The following RGS6 variants were observed in gnomAD, a reference collection of about 807,000 sequenced individuals.
The protein encoded by RGS6 is regulator of G-protein signaling 6.
RGS6 carries 30 observed loss-of-function variants against 78.5 expected under a neutral mutation model. The observed-to-expected ratio is 0.38, with a 90% CI of 0.29 to 0.52. RGS6 has a LOEUF of 0.52. Ranked by LOEUF, RGS6 falls within the 20% of genes least tolerant of loss-of-function variation. RGS6 has a pLI of 0.85. For synonymous variants in RGS6, 206 were observed against 206.0 expected (o/e 1.00, Z 0.00); for missense variants, 495 against 609.7 (o/e 0.81, Z 1.98).
At chr14:72,112,546 G>A (rs73297108) in intron 2 of RGS6, among the ~76,000 whole-genome samples, 4,104 of 152,240 alleles carry the variant, frequency 0.027, 196 homozygotes, top group African/African-American at 0.094. Context: ...AAAATAATGG[G>A]TGTGAAATCG....
At chr14:72,082,885 A>T (rs534729987) in intron 2 of RGS6, among the ~76,000 whole-genome samples, 1 of 152,274 alleles carries the variant, frequency 6.6e-6, no homozygotes, top group African/African-American at 2.4e-5. Flanking sequence ...AGTTACAAAA[A>T]ACCCCAACTC....
chr14:72,084,791 AT>A (rs1358978675), intron 2 of RGS6, among the ~76,000 whole-genome samples: 2 of 152,114 alleles, frequency 1.3e-5, no homozygotes, highest in Non-Finnish European at 2.9e-5. Flanking sequence ...AAGACACTAA[AT>A]TTAATTTTCA....
intron 13 of RGS6, among the ~76,000 whole-genome samples, chr14:72,505,574 A>G (rs772059128): frequency 1.3e-5 from 2 of 152,226 alleles, no homozygotes; most frequent in Non-Finnish European, 2.9e-5. Flanking sequence ...GATAGCTTGT[A>G]TATTCCCCAA....
chr14:72,099,477 C>T (rs1179784638), intron 2 of RGS6, among the ~76,000 whole-genome samples: 1 of 152,088 alleles, frequency 6.6e-6, no homozygotes, highest in Non-Finnish European at 1.5e-5. Context: ...GCTTTAATAC[C>T]AGGTCACACA....
intron 2 of RGS6, among the ~76,000 whole-genome samples, chr14:72,137,319 A>G (rs72719846): frequency 0.016 from 2,451 of 152,318 alleles, 24 homozygotes; most frequent in Non-Finnish European, 0.024. Flanking sequence ...AGGAGAAACC[A>G]AACTGCTTTT....
At chr14:72,087,439 T>G (rs1476449164) in intron 2 of RGS6, among the ~76,000 whole-genome samples, 2 of 151,792 alleles carry the variant, frequency 1.3e-5, no homozygotes, top group Non-Finnish European at 2.9e-5. Flanking sequence ...CCGAAATGCA[T>G]ATATATATAT....
At chr14:72,076,971 A>ATGTTATATATATATATATAT (rs1567157728) in intron 2 of RGS6, among the ~76,000 whole-genome samples, 2 of 144,568 alleles carry the variant, frequency 1.4e-5, no homozygotes, top group African/African-American at 5.1e-5. Context: ...TATATATATA[A>ATGTTATATATATATATATAT]ATGTTATATA....
chr14:72,085,184 A>G (rs546662981), intron 2 of RGS6, among the ~76,000 whole-genome samples: 10 of 152,374 alleles, frequency 6.6e-5, no homozygotes, highest in African/African-American at 2.4e-4. Flanking sequence ...TAAGAAATCA[A>G]TAAAGCAGAA....
chr14:72,143,734 A>T (rs2153617941), intron 2 of RGS6, among the ~76,000 whole-genome samples: 1 of 152,294 alleles, frequency 6.6e-6, no homozygotes, highest in East Asian at 1.9e-4. Context: ...AATATCCAAC[A>T]TTTTCAAACA....
chr14:72,335,020 G>C (rs561477777), intron 2 of RGS6, among the ~76,000 whole-genome samples: 4 of 152,084 alleles, frequency 2.6e-5, no homozygotes, highest in East Asian at 3.9e-4. Flanking sequence ...TGAATCATGG[G>C]GGGGCAGGTC....
intron 2 of RGS6, among the ~76,000 whole-genome samples, chr14:71,973,222 A>G (rs1414481582): frequency 5.3e-5 from 8 of 152,162 alleles, no homozygotes; most frequent in Non-Finnish European, 1.2e-4. Context: ...CCCACATTTT[A>G]TTATTTTACT....
intron 2 of RGS6, among the ~76,000 whole-genome samples, chr14:72,047,343 T>C (rs957737587): frequency 4.6e-5 from 7 of 152,226 alleles, no homozygotes; most frequent in African/African-American, 1.7e-4. Context: ...CACTAAGGGC[T>C]TTTTATGTGT....
At chr14:71,975,758 T>C (rs2153092937) in intron 2 of RGS6, among the ~76,000 whole-genome samples, 1 of 152,320 alleles carries the variant, frequency 6.6e-6, no homozygotes, top group East Asian at 1.9e-4. Context: ...TGCCCGACTG[T>C]GCTTGGGAAT....
At position 72,055,648 on chromosome 14, in the gene RGS6, A is replaced by AT. The variant is rs533027076; in HGVS notation, c.84+90784dup. On this transcript the variant is annotated intron_variant, in intron 2 of 17. Transcript: ENST00000553525. The stretch of plus-strand genomic sequence containing the variant: ...TTGGAGCCCAGCATTGAACATAGGG[A>AT]TTTTTTTTTTTAAATAAAAGCTTCC... Among the ~76,000 whole-genome samples the AT allele has an allele frequency of 6.3e-4, 93 of 148,776 alleles. 1 individual carries two copies. In the South Asian group the frequency reaches 6.8e-3, roughly 11 times the overall value.
intron 2 of RGS6, among the ~76,000 whole-genome samples, chr14:72,070,024 T>C (rs1322311856): frequency 6.6e-6 from 1 of 152,222 alleles, no homozygotes; most frequent in Non-Finnish European, 1.5e-5. Flanking sequence ...TCTTGGATTT[T>C]GTCTAAAAAT....
intron 3 of RGS6, among the ~76,000 whole-genome samples, chr14:72,364,816 C>T (rs2082163275): frequency 6.6e-6 from 1 of 152,212 alleles, no homozygotes. Flanking sequence ...CTGGTGAAAG[C>T]TTCTTTCCAA....
upstream of RGS6, among the ~76,000 whole-genome samples, chr14:71,927,937 C>T (rs946927456): frequency 6.6e-6 from 1 of 152,116 alleles, no homozygotes; most frequent in Admixed American, 6.5e-5. Context: ...GGATTACAGG[C>T]GTGAGCCACC....
At chr14:72,374,845 A>G (rs1489712019) in intron 3 of RGS6, among the ~76,000 whole-genome samples, 1 of 152,232 alleles carries the variant, frequency 6.6e-6, no homozygotes, top group Non-Finnish European at 1.5e-5. Flanking sequence ...TAATGTTTTT[A>G]AAGAAATAAG....
intron 2 of RGS6, among the ~76,000 whole-genome samples, chr14:72,345,447 A>G (rs560390390): frequency 1.3e-5 from 2 of 152,348 alleles, no homozygotes; most frequent in African/African-American, 2.4e-5. Flanking sequence ...TCATTGTCAT[A>G]GTTAGCGGGT....
Sources: gnomAD v4.1 joint callset for allele counts (sites outside exome capture counted in the v4.1 genomes callset) on GRCh38, gnomAD v4.1.1 for gene constraint, MANE v1.5 for transcripts, NCBI Gene and HGNC (gene_info 2026-07-23, HGNC 2026-07-21) for gene names.